Variants in HS3ST6 observed in about 807,000 individuals in gnomAD.
HS3ST6 encodes the protein heparan sulfate-glucosamine 3-sulfotransferase 6.
Under a neutral mutation model 11.0 loss-of-function variants are expected in HS3ST6, and 13 were observed. That is an observed-to-expected ratio of 1.18 (90% CI 0.77 to 1.88). The LOEUF (loss-of-function observed/expected upper bound fraction) is 1.88. Ranked by LOEUF, HS3ST6 falls within the 40% of genes most tolerant of loss-of-function variation. HS3ST6 has a pLI of 0.00. For synonymous variants in HS3ST6, 232 were observed against 230.6 expected (o/e 1.01, Z -0.06); for missense variants, 541 against 494.4 (o/e 1.09, Z -0.89).
At chr16:1,920,353 G>A (rs1314684570), upstream of HS3ST6, among the ~76,000 whole-genome samples, 1 of 140,940 alleles carries the variant, frequency 7.1e-6, no homozygotes, top group Admixed American at 7.0e-5. Context: ...CACGGTCTGA[G>A]TCCCCACGGT....
chr16:1,916,119 G>A (rs761458989), intron 1 of HS3ST6, among the ~76,000 whole-genome samples: 45 of 58,714 alleles, frequency 7.7e-4, no homozygotes, highest in Non-Finnish European at 1.2e-3. Flanking sequence ...CTGAAAGGAC[G>A]GAGGCACAGG....
chr16:1,917,851 G>A, intron 1 of HS3ST6, 60 bp downstream of exon 1: 3 of 1,231,552 alleles, frequency 2.4e-6, no homozygotes, highest in Non-Finnish European at 3.2e-6. Flanking sequence ...CTGCTCCCTG[G>A]GGCGCACGAT....
At chr16:1,913,069 G>C (rs2082902148) in intron 1 of HS3ST6, among the ~76,000 whole-genome samples, 1 of 152,240 alleles carries the variant, frequency 6.6e-6, no homozygotes, top group South Asian at 2.1e-4. Context: ...TGGGATTACA[G>C]ACGTGAGCCA....
chr16:1,912,118 GATGC>G lies in HS3ST6; in HGVS notation c.497_500del (p.Arg166ProfsTer10). On this transcript the variant is annotated frameshift_variant, in exon 2 of 2. Transcript: ENST00000454677. LOFTEE classifies it low-confidence loss of function (END_TRUNC). The surrounding 1 kb of genome is among the most constrained non-coding windows in gnomAD (Gnocchi z 5.6). ...GCTTCGTGTCCGGGGACATGGCGTG[GATGC>G]GGCGGGGGGCCTCTCGCGTCACGAA... The G allele has an allele frequency of 1.3e-6, 2 of 1,503,664 alleles. No individual in the cohort carries two copies. Among genetic ancestry groups the G allele is most frequent in the South Asian group, 2.7e-5 (2 of 73,338 alleles). 93.1% of individuals were successfully genotyped at this position (1,503,664 alleles called of 1,614,324 possible).
chr16:1,917,803 G>A, intron 1 of HS3ST6, 108 bp downstream of exon 1: 3 of 900,908 alleles, frequency 3.3e-6, no homozygotes, highest in Non-Finnish European at 4.5e-6. Flanking sequence ...ACTGCCCGGA[G>A]CGCACCCCTG....
In HS3ST6 at chr16:1,912,242, C is replaced by A; in HGVS notation, c.414-37G>T. ...GTGCAAGGAGAGGGGGCCTGAGCCTCCCCAGCCCTAGACCGGCCCCCAGGG... is the reference window on the plus strand; with the variant it reads ...GTGCAAGGAGAGGGGGCCTGAGCCTACCCAGCCCTAGACCGGCCCCCAGGG... On this transcript the variant is annotated intron_variant, in intron 1 of 1. Coordinates refer to ENST00000454677, the MANE Select transcript of HS3ST6 (RefSeq NM_001009606.4). The surrounding 1 kb of genome is among the most constrained non-coding windows in gnomAD (Gnocchi z 5.6). 1 of 1,356,012 alleles carries A rather than the reference C, an allele frequency of 7.4e-7. No homozygotes were observed. 84.0% of individuals were successfully genotyped at this position (1,356,012 alleles called of 1,614,324 possible). A position where few individuals can be genotyped will look rare whatever the true frequency, so the allele number is the denominator to read the frequency against.
chr16:1,914,332 G>A (rs2082911996), intron 1 of HS3ST6, among the ~76,000 whole-genome samples: 1 of 152,138 alleles, frequency 6.6e-6, no homozygotes, highest in Non-Finnish European at 1.5e-5. Flanking sequence ...CAGCTCAGGG[G>A]CACCCCCGTC....
In HS3ST6 at chr16:1,917,957, G is replaced by T; in HGVS notation, c.367C>A (p.Pro123Thr). The T allele has an allele frequency of 2.0e-6, 3 of 1,521,290 alleles. No individual in the cohort carries two copies. The highest frequency in any genetic ancestry group is 1.4e-5 in the African/African-American group (1 of 70,540). The allele number at this position is 1,521,290 out of a possible 1,614,324, so 94.2% of individuals were successfully genotyped here. A position where few individuals can be genotyped will look rare whatever the true frequency, so the allele number is the denominator to read the frequency against. Residue 123 changes from proline to threonine, a missense_variant, in exon 1 of 2, where the codon CCC becomes ACC. Coordinates refer to ENST00000454677, the MANE Select transcript of HS3ST6 (RefSeq NM_001009606.4). The stretch of plus-strand genomic sequence containing the variant: ...TCGTAGCACCTGTCGAAGAAGTGGG[G>T]CTCAGAGCCCAGCGCGCGGACGTCG... Reference protein sequence around the residue: ...HPDVRALGSEPHFFDRCYERG... With the variant: ...HPDVRALGSETHFFDRCYERG...
Position 1,918,276 on chromosome 16 carries a change from G to T in HS3ST6, c.48C>A (p.Gly16=), listed in dbSNP as rs952864642. ...GAGCGGCCCCTTGCCCGGCCCCTGCGCCCTGGCCGCCCCCGGCCCCGCCGC... is the reference window on the plus strand; with the variant it reads ...GAGCGGCCCCTTGCCCGGCCCCTGCTCCCTGGCCGCCCCCGGCCCCGCCGC... ...GLGGGAGGGQ[G]AGAGQGAALR... is the part of the protein sequence containing the mutation. Residue 16 remains glycine, a synonymous_variant, in exon 1 of 2, where the codon GGC becomes GGA. Coordinates refer to ENST00000454677, the MANE Select transcript of HS3ST6 (RefSeq NM_001009606.4). This position sits in a 1 kb window ranked among gnomAD's most constrained non-coding sequence, Gnocchi z 6.0. 115 of 907,906 alleles carry T rather than the reference G, an allele frequency of 1.3e-4. No individual in the cohort carries two copies. Among genetic ancestry groups the T allele is most frequent in the Non-Finnish European group, 1.4e-4 (108 of 757,434 alleles). The allele number at this position is 907,906 out of a possible 1,614,324, so 56.2% of individuals were successfully genotyped here. A position where few individuals can be genotyped will look rare whatever the true frequency, so the allele number is the denominator to read the frequency against.
rs2082899587 is a variant in HS3ST6 at position 1,912,738 on chromosome 16, C to G, written c.414-533G>C. ...CCAATTATTGACAGTGTGTCCTCAA[C>G]CAAAAGTAGTCCTCCCTGCTCCCTC... On this transcript the variant is annotated intron_variant, in intron 1 of 1. Coordinates refer to ENST00000454677, the MANE Select transcript of HS3ST6 (RefSeq NM_001009606.4). This position sits in a 1 kb window ranked among gnomAD's most constrained non-coding sequence, Gnocchi z 5.6. 6.6e-6 allele frequency among the ~76,000 whole-genome samples: 1 copy of G among 151,760 alleles called. No individual in the cohort carries two copies. Among genetic ancestry groups the G allele is most frequent in the Non-Finnish European group, 1.5e-5 (1 of 67,902 alleles).
chr16:1,917,558 C>G (rs1016740761), intron 1 of HS3ST6, among the ~76,000 whole-genome samples: 1 of 152,134 alleles, frequency 6.6e-6, no homozygotes, highest in African/African-American at 2.4e-5. Flanking sequence ...CCAGAGTGAG[C>G]GGGCGGCAGA....
intron 1 of HS3ST6, among the ~76,000 whole-genome samples, chr16:1,915,879 G>A (rs374391514): frequency 2.2e-3 from 326 of 151,040 alleles, no homozygotes; most frequent in African/African-American, 7.0e-3. Context: ...CAGGAAGGCC[G>A]GGTCACCGCC....
At chr16:1,915,436 T>C (rs1242053511) in intron 1 of HS3ST6, among the ~76,000 whole-genome samples, 3 of 152,146 alleles carry the variant, frequency 2.0e-5, no homozygotes, top group Non-Finnish European at 4.4e-5. Context: ...TCACCACGCC[T>C]GGCTAATTTT....
upstream of HS3ST6, among the ~76,000 whole-genome samples, chr16:1,919,696 G>A (rs147190567): frequency 1.3e-5 from 2 of 152,344 alleles, no homozygotes; most frequent in African/African-American, 4.8e-5. Context: ...AGGCCTCCAC[G>A]ACCCACAGAC....
Position 1,917,945 on chromosome 16 carries a change from C to T in HS3ST6, c.379G>A (p.Asp127Asn). 4 of 1,509,932 alleles carry T rather than the reference C, an allele frequency of 2.6e-6. No individual in the cohort carries two copies. The highest frequency in any genetic ancestry group is 1.2e-5 in the South Asian group (1 of 80,518). The allele number at this position is 1,509,932 out of a possible 1,614,324, so 93.5% of individuals were successfully genotyped here. Residue 127 changes from aspartate to asparagine, a missense_variant, in exon 1 of 2, where the codon GAC becomes AAC. Transcript: ENST00000454677. Reference protein sequence around the residue: ...RALGSEPHFFDRCYERGLAWY... With the variant: ...RALGSEPHFFNRCYERGLAWY... ...GCGAGGCCGCGCTCGTAGCACCTGTCGAAGAAGTGGGGCTCAGAGCCCAGC... is the reference window on the plus strand; with the variant it reads ...GCGAGGCCGCGCTCGTAGCACCTGTTGAAGAAGTGGGGCTCAGAGCCCAGC...
upstream of HS3ST6, among the ~76,000 whole-genome samples, chr16:1,920,191 GC>G (rs2082954560): frequency 1.5e-5 from 2 of 136,396 alleles, no homozygotes; most frequent in Non-Finnish European, 3.2e-5. Flanking sequence ...CACGGTCTCA[GC>G]AGTCCCCACG....
rs200947593 is a variant in HS3ST6, at chr16:1,911,802, C to T, written c.817G>A (p.Val273Ile). 5.4e-5 allele frequency: 87 copies of T among 1,613,876 alleles called. No homozygotes were observed. The Middle Eastern group carries it at 9.9e-4, about 18-fold the overall frequency. Residue 273 changes from valine (V) to isoleucine (I), a missense_variant, in exon 2 of 2, where the codon GTC becomes ATC. Physicochemically the swap from Val to Ile is conservative, Grantham distance 29. Coordinates refer to ENST00000454677, the MANE Select transcript of HS3ST6 (RefSeq NM_001009606.4). ...VQDFLGLKRV[V>I]TDKHFYFNAT... ...TTGAAGTAGAAGTGCTTGTCCGTGA[C>T]GACCCGTTTCAGGCCCAGGAAGTCC...
upstream of HS3ST6, among the ~76,000 whole-genome samples, chr16:1,919,618 T>C (rs554028213): frequency 6.6e-6 from 1 of 152,338 alleles, no homozygotes; most frequent in South Asian, 2.1e-4. Context: ...TCTGCTGCGT[T>C]AATGAGCCGT....
Position 1,911,594 on chromosome 16 carries a change from C to A in HS3ST6, c.1025G>T (p.Gly342Val). Reference protein sequence around the residue: ...YQMTGQDFGWG With the variant: ...YQMTGQDFGWV ...TGAGCATCCCCAGGGTGCCGCTCAG[C>A]CCCAGCCGAAGTCCTGGCCCGTCAT... The change falls in exon 2 of 2, where the codon GGC (glycine) becomes GTC (valine). Residue 342 changes from glycine (G) to valine (V), a missense_variant. Physicochemically the swap from Gly to Val is moderately radical, Grantham distance 109. Coordinates refer to ENST00000454677, the MANE Select transcript of HS3ST6 (RefSeq NM_001009606.4). 1 of 1,597,610 alleles carries A rather than the reference C, an allele frequency of 6.3e-7. No individual in the cohort carries two copies.
Sources: allele counts gnomAD v4.1 joint callset (sites outside exome capture counted in the v4.1 genomes callset), GRCh38; gene constraint gnomAD v4.1.1; non-coding constraint Gnocchi (gnomAD v3.1); transcripts MANE v1.5; gene names NCBI Gene and HGNC (gene_info 2026-07-23, HGNC 2026-07-21).